Variants in LRP1B observed in about 807,000 individuals in gnomAD.
LRP1B encodes LDL receptor related protein 1B.
A neutral mutation model predicts 556.6 loss-of-function variants in LRP1B; 217 were observed. The observed-to-expected ratio is 0.39, with a 90% CI of 0.35 to 0.44. The LOEUF (loss-of-function observed/expected upper bound fraction) is 0.44, where lower values mean the gene tolerates loss of function less well. LRP1B is among the 20% of genes least tolerant of loss of function. LRP1B has a pLI of 1.00. For synonymous variants in LRP1B, 2,047 were observed against 1,865.8 expected (o/e 1.10, Z -2.50); for missense variants, 5,053 against 5,620.8 (o/e 0.90, Z 3.23).
chr2:142,128,611 C>G (rs1707740613), intron 1 of LRP1B, among the ~76,000 whole-genome samples: 1 of 152,140 alleles, frequency 6.6e-6, no homozygotes, highest in Admixed American at 6.5e-5. Context: ...AGAATTTTAG[C>G]TCTTTGCTAA....
At chr2:140,555,224 GA>G (rs11419084) in intron 43 of LRP1B, among the ~76,000 whole-genome samples, 3,287 of 144,818 alleles carry the variant, frequency 0.023, 56 homozygotes, top group Non-Finnish European at 0.035. Context: ...AGACGCTCAG[GA>G]AAAAAAAAAA....
chr2:141,517,493 A>G (rs967962894), intron 2 of LRP1B, among the ~76,000 whole-genome samples: 6 of 152,196 alleles, frequency 3.9e-5, no homozygotes, highest in Admixed American at 2.6e-4. Context: ...ATACATGGGA[A>G]TATTCTACAT....
At position 140,232,993 on chromosome 2, in the gene LRP1B, A is replaced by C. The variant is rs2104869767; in HGVS notation, c.*193T>G. ...TACTGTAGTGCAGTTCTTTTTCATA[A>C]AAATACCATACAAATGGTCAATCAA... On this transcript the variant is annotated 3_prime_UTR_variant, in exon 91 of 91. Transcript: ENST00000389484. 1 of 412,296 alleles carries C rather than the reference A, an allele frequency of 2.4e-6. No individual in the cohort carries two copies. Among genetic ancestry groups the C allele is most frequent in the South Asian group, 6.8e-5 (1 of 14,800 alleles). 25.5% of individuals were successfully genotyped at this position (412,296 alleles called of 1,614,324 possible).
At chr2:141,929,662 C>T (rs1333568661) in intron 1 of LRP1B, among the ~76,000 whole-genome samples, 1 of 151,890 alleles carries the variant, frequency 6.6e-6, no homozygotes, top group African/African-American at 2.4e-5. Context: ...AAGTAAAATG[C>T]TATAAACTAA....
intron 2 of LRP1B, among the ~76,000 whole-genome samples, chr2:141,796,608 CAT>C: frequency 7.8e-6 from 1 of 128,168 alleles, no homozygotes; most frequent in Non-Finnish European, 1.6e-5. Context: ...CTTTGTATGA[CAT>C]GTGAAAAGAT....
At chr2:141,756,580 C>T (rs1382551743) in intron 2 of LRP1B, among the ~76,000 whole-genome samples, 12 of 137,218 alleles carry the variant, frequency 8.7e-5, no homozygotes, top group South Asian at 2.4e-4. Flanking sequence ...CACACACACA[C>T]ACAATCTTAT....
intron 77 of LRP1B, among the ~76,000 whole-genome samples, chr2:140,339,189 G>C (rs1420180774): frequency 1.3e-5 from 2 of 151,710 alleles, no homozygotes; most frequent in Non-Finnish European, 2.9e-5. Flanking sequence ...CAAAATTAGA[G>C]GTTACTAGTT....
intron 43 of LRP1B, among the ~76,000 whole-genome samples, chr2:140,542,439 T>G (rs181352899): frequency 9.7e-4 from 148 of 152,226 alleles, no homozygotes; most frequent in Non-Finnish European, 1.6e-3. Context: ...CTAAACTAGT[T>G]GCACATGTCT....
chr2:140,770,119 G>C (rs1215613746), intron 34 of LRP1B, among the ~76,000 whole-genome samples: 2 of 151,608 alleles, frequency 1.3e-5, no homozygotes, highest in Non-Finnish European at 2.9e-5. Context: ...TAATTTCTCT[G>C]TGCCTCAGTT....
At chr2:140,459,246 C>CA (rs1256538902) in intron 60 of LRP1B, among the ~76,000 whole-genome samples, 2 of 151,968 alleles carry the variant, frequency 1.3e-5, no homozygotes, top group South Asian at 4.2e-4. Context: ...TAAATTCATA[C>CA]AAAAAAGATA....
intron 2 of LRP1B, among the ~76,000 whole-genome samples, chr2:141,593,372 T>C (rs994719322): frequency 1.3e-5 from 2 of 152,216 alleles, no homozygotes; most frequent in African/African-American, 4.8e-5. Flanking sequence ...AGAAATGTGT[T>C]TATTCTTCTA....
intron 3 of LRP1B, among the ~76,000 whole-genome samples, chr2:141,291,878 A>AAC (rs1558985666): frequency 1.3e-5 from 1 of 77,626 alleles, no homozygotes; most frequent in African/African-American, 3.5e-5. Context: ...AAAAAAAAAA[A>AAC]AAAAAAAAAA....
rs116131929 is a variant in LRP1B, at chr2:141,283,399, C to G, written c.344-28758G>C. ...TCAGGAAACTAGAAGTTTGGGATGA[C>G]AAGAACATCGATTTTAAGGAAGGCG... On this transcript the variant is annotated intron_variant, in intron 3 of 90. Transcript: ENST00000389484. 5.7e-3 allele frequency among the ~76,000 whole-genome samples: 862 copies of G among 151,540 alleles called. 9 individuals carry two copies. Among genetic ancestry groups the G allele is most frequent in the African/African-American group, 0.019 (787 of 41,356 alleles).
At chr2:142,080,398 G>C (rs183996254) in intron 1 of LRP1B, among the ~76,000 whole-genome samples, 1 of 152,188 alleles carries the variant, frequency 6.6e-6, no homozygotes, top group African/African-American at 2.4e-5. Context: ...GTGTTTCTAT[G>C]GAAACTTAGT....
chr2:141,317,892 G>A (rs919044758), intron 3 of LRP1B, among the ~76,000 whole-genome samples: 1 of 152,012 alleles, frequency 6.6e-6, no homozygotes, highest in Non-Finnish European at 1.5e-5. Flanking sequence ...GAGGTCATGG[G>A]TTCTCAGCAT....
intron 2 of LRP1B, among the ~76,000 whole-genome samples, chr2:141,707,332 CA>C (rs1284471402): frequency 6.6e-6 from 1 of 152,148 alleles, no homozygotes; most frequent in East Asian, 1.9e-4. Context: ...TAACTATGAA[CA>C]AAAGGTCCTA....
At chr2:141,936,150 G>A (rs1478579073) in intron 1 of LRP1B, among the ~76,000 whole-genome samples, 3 of 152,068 alleles carry the variant, frequency 2.0e-5, no homozygotes, top group African/African-American at 7.2e-5. Flanking sequence ...TTCTGTATAA[G>A]ATCAGACACA....
Position 141,049,125 on chromosome 2 carries a change from G to A in LRP1B, c.1650C>T (p.Ile550=), listed in dbSNP as rs923278369. ...LNTKIADEYM[I]PIENLVNPRA... is the part of the protein sequence containing the mutation. The stretch of plus-strand genomic sequence containing the variant: ...GAGGGTTTACCAGATTTTCTATGGG[G>A]ATCATGTATTCATCAGCTATCTTGG... The change falls in exon 11 of 91, where the codon ATC becomes ATT. Residue 550 remains isoleucine (I), a synonymous_variant. Transcript: ENST00000389484. 2 of 1,613,448 alleles carry A rather than the reference G, an allele frequency of 1.2e-6. No individual in the cohort carries two copies. Among genetic ancestry groups the A allele is most frequent in the African/African-American group, 2.7e-5 (2 of 74,972 alleles).
At chr2:140,317,770 T>A (rs78227851) in intron 82 of LRP1B, among the ~76,000 whole-genome samples, 5,607 of 152,160 alleles carry the variant, frequency 0.037, 190 homozygotes, top group African/African-American at 0.086. Context: ...ACCTGTCAGT[T>A]CTATGAAAAC....
Sources: gnomAD v4.1 joint callset for allele counts (sites outside exome capture counted in the v4.1 genomes callset) on GRCh38, gnomAD v4.1.1 for gene constraint, MANE v1.5 for transcripts, NCBI Gene and HGNC (gene_info 2026-07-23, HGNC 2026-07-21) for gene names.